The following CPA6 variants were observed in gnomAD, a reference collection of about 807,000 sequenced individuals.
CPA6 encodes the protein carboxypeptidase A6.
A neutral mutation model predicts 63.3 loss-of-function variants in CPA6; 58 were observed. That is an observed-to-expected ratio of 0.92 (90% CI 0.74 to 1.14). CPA6 has a LOEUF of 1.14. Among genes scored for constraint, CPA6 ranks in the 50% most tolerant of loss-of-function variants. The pLI is 0.00. For synonymous variants in CPA6, 185 were observed against 179.0 expected (o/e 1.03, Z -0.27); for missense variants, 565 against 526.6 (o/e 1.07, Z -0.71).
intron 2 of CPA6, among the ~76,000 whole-genome samples, chr8:67,525,953 G>A (rs1203988000): frequency 6.6e-6 from 1 of 152,130 alleles, no homozygotes; most frequent in East Asian, 1.9e-4. Context: ...AACACTGAAA[G>A]CCCAGATATC....
intron 6 of CPA6, among the ~76,000 whole-genome samples, chr8:67,504,740 T>C (rs372228155): frequency 3.9e-5 from 6 of 152,126 alleles, no homozygotes; most frequent in African/African-American, 1.2e-4. Context: ...TTGTTCCATT[T>C]CTGGTTGCTT....
chr8:67,638,016 CATGT>C (rs981065074), intron 1 of CPA6, among the ~76,000 whole-genome samples: 5 of 143,022 alleles, frequency 3.5e-5, no homozygotes, highest in Non-Finnish European at 7.7e-5. Flanking sequence ...TGCATGCATG[CATGT>C]GTGTTTGTGT....
chr8:67,655,535 A>G (rs1429362403), intron 1 of CPA6, among the ~76,000 whole-genome samples: 1 of 152,222 alleles, frequency 6.6e-6, no homozygotes, highest in Non-Finnish European at 1.5e-5. Flanking sequence ...TCTTTACTCA[A>G]AACTGCTAAA....
chr8:67,482,784 T>C (rs1563970806), intron 8 of CPA6, among the ~76,000 whole-genome samples: 2 of 152,252 alleles, frequency 1.3e-5, no homozygotes, highest in Non-Finnish European at 2.9e-5. Context: ...ATTACTGAGC[T>C]AGTAATGGTA....
At chr8:67,547,311 G>C (rs1480505933) in intron 2 of CPA6, among the ~76,000 whole-genome samples, 1 of 152,224 alleles carries the variant, frequency 6.6e-6, no homozygotes, top group Non-Finnish European at 1.5e-5. Flanking sequence ...CTCCCAAAGT[G>C]CTGGGATTAT....
intron 1 of CPA6, among the ~76,000 whole-genome samples, chr8:67,670,222 C>T (rs902163464): frequency 6.6e-6 from 1 of 152,108 alleles, no homozygotes; most frequent in Non-Finnish European, 1.5e-5. Context: ...GCAGGCTGTA[C>T]AGGAAACATA....
chr8:67,605,530 GCTT>G (rs779303949), intron 2 of CPA6, among the ~76,000 whole-genome samples: 2 of 96,582 alleles, frequency 2.1e-5, no homozygotes, highest in Non-Finnish European at 3.8e-5. Flanking sequence ...TTATTGTATT[GCTT>G]TTTTTTTTTT....
At chr8:67,427,161 C>A (rs182102579) in intron 10 of CPA6, among the ~76,000 whole-genome samples, 4 of 151,846 alleles carry the variant, frequency 2.6e-5, no homozygotes, top group African/African-American at 2.4e-5. Flanking sequence ...GAGAAAATAG[C>A]CCTTTATCAC....
At chr8:67,742,112 A>G (rs1442690042) in intron 1 of CPA6, among the ~76,000 whole-genome samples, 1 of 145,336 alleles carries the variant, frequency 6.9e-6, no homozygotes, top group Non-Finnish European at 1.5e-5. Flanking sequence ...AATCACAGCT[A>G]CTTTCTGTTC....
chr8:67,512,243 A>G (rs1220005141), intron 3 of CPA6, among the ~76,000 whole-genome samples: 2 of 152,036 alleles, frequency 1.3e-5, no homozygotes, highest in African/African-American at 4.8e-5. Context: ...TGCCCTTACC[A>G]CTTTCTTTTT....
At chr8:67,510,805 T>C (rs1425721755) in intron 4 of CPA6, among the ~76,000 whole-genome samples, 3 of 152,292 alleles carry the variant, frequency 2.0e-5, no homozygotes, top group East Asian at 3.9e-4. Flanking sequence ...AGAAGTGGCC[T>C]GCGCTCATGG....
rs147121960 is a variant in CPA6, at chr8:67,743,977, C to T, written c.116+2037G>A. Among the ~76,000 whole-genome samples the T allele has an allele frequency of 2.6e-5, 4 of 152,146 alleles. No homozygotes were observed. In the East Asian group the frequency reaches 7.7e-4, roughly 29 times the overall value. On this transcript the variant is annotated intron_variant, in intron 1 of 10. Transcript: ENST00000297770. Reference sequence around the variant, plus strand: ...ATAACTTTGGATGGATGAAACCAGCCAAAAAAACTGCTAAATACTCTTCTA... The same window carrying T: ...ATAACTTTGGATGGATGAAACCAGCTAAAAAAACTGCTAAATACTCTTCTA...
intron 1 of CPA6, among the ~76,000 whole-genome samples, chr8:67,635,867 C>T (rs1310351754): frequency 6.6e-6 from 1 of 151,626 alleles, no homozygotes; most frequent in Admixed American, 6.6e-5. Flanking sequence ...AAAGACCAAA[C>T]TTACCTAGAT....
chr8:67,532,591 G>A (rs1812501111), intron 2 of CPA6, among the ~76,000 whole-genome samples: 1 of 152,168 alleles, frequency 6.6e-6, no homozygotes, highest in African/African-American at 2.4e-5. Context: ...CTGAGAGGTG[G>A]GAGGATCGCT....
At chr8:67,543,735 T>C (rs1008327872) in intron 2 of CPA6, among the ~76,000 whole-genome samples, 3 of 151,938 alleles carry the variant, frequency 2.0e-5, no homozygotes, top group Non-Finnish European at 4.4e-5. Context: ...ACCTTTTTCA[T>C]TTATACTCAT....
intron 8 of CPA6, among the ~76,000 whole-genome samples, chr8:67,480,373 C>T (rs1380802213): frequency 2.0e-5 from 3 of 152,136 alleles, no homozygotes; most frequent in Non-Finnish European, 2.9e-5. Context: ...CAGCCCCTGG[C>T]AACCACGAAT....
chr8:67,590,210 G>C (rs1197292583), intron 2 of CPA6, among the ~76,000 whole-genome samples: 1 of 151,992 alleles, frequency 6.6e-6, no homozygotes, highest in Non-Finnish European at 1.5e-5. Context: ...CCCTACAAAG[G>C]ACATGAACTC....
At chr8:67,663,621 T>C (rs929493655) in intron 1 of CPA6, among the ~76,000 whole-genome samples, 4 of 151,558 alleles carry the variant, frequency 2.6e-5, no homozygotes, top group African/African-American at 4.9e-5. Flanking sequence ...GAACATGAGG[T>C]GTTTGGTTTT....
rs139841699 is a variant in CPA6 at position 67,655,884 on chromosome 8, G to A, written c.117-31633C>T. On this transcript the variant is annotated intron_variant, in intron 1 of 10. Coordinates refer to ENST00000297770, the MANE Select transcript of CPA6 (RefSeq NM_020361.5). ...TGAAAAAGGATTTTAAAAAGAAAAT[G>A]TCTTTGTATAGAATTTTCCCCTTCA... is the stretch of plus-strand genomic sequence containing the variant. 1.2e-4 allele frequency among the ~76,000 whole-genome samples: 19 copies of A among 152,278 alleles called. No individual in the cohort carries two copies. In the East Asian group the frequency reaches 3.3e-3, roughly 26 times the overall value.
Sources: gnomAD v4.1 joint callset for allele counts (sites outside exome capture counted in the v4.1 genomes callset) on GRCh38, gnomAD v4.1.1 for gene constraint, MANE v1.5 for transcripts, NCBI Gene and HGNC (gene_info 2026-07-23, HGNC 2026-07-21) for gene names.